HPCAL1: variants seen among roughly 807,000 people sequenced by gnomAD.
HPCAL1 encodes the protein hippocalcin like 1, also known as hippocalcin-like protein 1.
Under a neutral mutation model 17.1 loss-of-function variants are expected in HPCAL1, and 8 were observed. The ratio of observed to expected loss-of-function variants is 0.47; its 90% confidence interval spans 0.27 to 0.84. The LOEUF is 0.84. HPCAL1 is among the 40% of genes least tolerant of loss of function. The pLI, the probability that HPCAL1 is intolerant of heterozygous loss-of-function variation, is 0.13. For synonymous variants in HPCAL1, 112 were observed against 111.4 expected (o/e 1.01, Z -0.03); for missense variants, 165 against 271.1 (o/e 0.61, Z 2.75).
In HPCAL1 at chr2:10,419,071, C is replaced by T. The variant is rs529447143; in HGVS notation, c.-24-663C>T. ...CTAAAAATACAAAAAATTAGCTGGGCGCGGTGGTGCATGCCTGTAATCCCA... is the reference window on the plus strand; with the variant it reads ...CTAAAAATACAAAAAATTAGCTGGGTGCGGTGGTGCATGCCTGTAATCCCA... On this transcript the variant is annotated intron_variant, in intron 2 of 4. Coordinates refer to ENST00000307845, the MANE Select transcript of HPCAL1 (RefSeq NM_002149.4). The surrounding 1 kb of genome is among the most constrained non-coding windows in gnomAD (Gnocchi z 5.0). Among the ~76,000 whole-genome samples the T allele has an allele frequency of 6.6e-5, 10 of 151,888 alleles. No homozygotes were observed. The highest frequency in any genetic ancestry group is 5.8e-4 in the East Asian group (3 of 5,174).
intron 2 of HPCAL1, among the ~76,000 whole-genome samples, chr2:10,399,265 CCACCACCACCACCAT>C (rs1669309340): frequency 2.4e-5 from 2 of 84,378 alleles, no homozygotes; most frequent in Non-Finnish European, 4.9e-5. Flanking sequence ...ACCACCATCA[CCACCACCACCACCAT>C]CACCACCACC....
intron 1 of HPCAL1, among the ~76,000 whole-genome samples, chr2:10,308,890 A>T (rs935204073): frequency 6.6e-6 from 1 of 152,186 alleles, no homozygotes; most frequent in African/African-American, 2.4e-5. Flanking sequence ...ACAAAAACAA[A>T]CAAAACAAAA....
intron 1 of HPCAL1, among the ~76,000 whole-genome samples, chr2:10,308,319 A>G (rs1360081552): frequency 6.6e-6 from 1 of 152,166 alleles, no homozygotes; most frequent in African/African-American, 2.4e-5. Flanking sequence ...TGTACAGTTT[A>G]ATGATTTTCA....
intron 1 of HPCAL1, among the ~76,000 whole-genome samples, chr2:10,306,631 TC>T (rs1333411707): frequency 2.0e-5 from 3 of 152,158 alleles, no homozygotes; most frequent in Non-Finnish European, 4.4e-5. Context: ...CAAATCACTT[TC>T]TACAAAGACT....
intron 2 of HPCAL1, among the ~76,000 whole-genome samples, chr2:10,410,988 A>G (rs1359927540): frequency 6.9e-6 from 1 of 144,318 alleles, no homozygotes; most frequent in African/African-American, 2.5e-5. Context: ...TCCAGGAGAG[A>G]GCTAAAATGA....
rs1017141567 is a variant in HPCAL1, at chr2:10,304,220, C to T, written c.-111+1043C>T. ...CAGGCTCCCGCGCAAGCGTGGGGGT[C>T]CCTCTCCTGGCCGGGAGGCAGCGAC... On this transcript the variant is annotated intron_variant, in intron 1 of 4. Coordinates refer to ENST00000307845, the MANE Select transcript of HPCAL1 (RefSeq NM_002149.4). This position sits in a 1 kb window ranked among gnomAD's most constrained non-coding sequence, Gnocchi z 4.1. Among the ~76,000 whole-genome samples, 1 of 151,952 alleles carries T rather than the reference C, an allele frequency of 6.6e-6. No homozygotes were observed. Among genetic ancestry groups the T allele is most frequent in the Non-Finnish European group, 1.5e-5 (1 of 67,948 alleles).
At chr2:10,305,133 T>C (rs1041000441) in intron 1 of HPCAL1, among the ~76,000 whole-genome samples, 1 of 152,156 alleles carries the variant, frequency 6.6e-6, no homozygotes, top group African/African-American at 2.4e-5. Flanking sequence ...GAATGCACCC[T>C]GTTTTCTGTT....
chr2:10,311,823 C>T (rs1342141981), intron 1 of HPCAL1, among the ~76,000 whole-genome samples: 1 of 152,080 alleles, frequency 6.6e-6, no homozygotes, highest in Non-Finnish European at 1.5e-5. Flanking sequence ...GACATCATCA[C>T]TTTTCTCCAT....
chr2:10,322,157 G>A (rs1233456740), intron 1 of HPCAL1, among the ~76,000 whole-genome samples: 2 of 151,960 alleles, frequency 1.3e-5, no homozygotes, highest in Non-Finnish European at 2.9e-5. Context: ...TGAGTTGCTG[G>A]GACTACAGGC....
In HPCAL1 at chr2:10,307,772, C is replaced by T. The variant is rs1023969683; in HGVS notation, c.-111+4595C>T. On this transcript the variant is annotated intron_variant, in intron 1 of 4. Transcript: ENST00000307845. ...GCTCACACCCACTCTTCCGGCACAG[C>T]GGAGCCTTATCTGCCCTTGGCCCAG... is the stretch of plus-strand genomic sequence containing the variant. Among the ~76,000 whole-genome samples the T allele has an allele frequency of 9.2e-5, 14 of 152,218 alleles. No homozygotes were observed. In the East Asian group the frequency reaches 1.5e-3, roughly 17 times the overall value.
intron 1 of HPCAL1, among the ~76,000 whole-genome samples, chr2:10,356,782 G>T (rs1247310850): frequency 6.6e-6 from 1 of 152,094 alleles, no homozygotes; most frequent in Non-Finnish European, 1.5e-5. Flanking sequence ...TCAGGCCCTG[G>T]CTTCCCCCCT....
chr2:10,375,923 A>G (rs2125524645), intron 1 of HPCAL1, among the ~76,000 whole-genome samples: 1 of 152,340 alleles, frequency 6.6e-6, no homozygotes, highest in African/African-American at 2.4e-5. Flanking sequence ...GTCCCCTCCA[A>G]GTCCATGTTG....
intron 1 of HPCAL1, among the ~76,000 whole-genome samples, chr2:10,329,841 T>C (rs1368918614): frequency 6.6e-6 from 1 of 152,256 alleles, no homozygotes; most frequent in Admixed American, 6.5e-5. Context: ...TGAGGTGACG[T>C]TGGTCACATC....
chr2:10,350,772 G>A (rs187349302), intron 1 of HPCAL1, among the ~76,000 whole-genome samples: 181 of 152,270 alleles, frequency 1.2e-3, no homozygotes, highest in Non-Finnish European at 2.4e-3. Context: ...ATGGGCAAGG[G>A]ACTTGAATAG....
chr2:10,380,378 G>C (rs1204483269), intron 1 of HPCAL1, among the ~76,000 whole-genome samples: 3 of 152,170 alleles, frequency 2.0e-5, no homozygotes, highest in Non-Finnish European at 4.4e-5. Context: ...CTGGGGCAGG[G>C]GTGTGGGTGG....
At chr2:10,347,545 AC>A (rs1665550460) in intron 1 of HPCAL1, among the ~76,000 whole-genome samples, 1 of 152,040 alleles carries the variant, frequency 6.6e-6, no homozygotes, top group South Asian at 2.1e-4. Flanking sequence ...GCCTCCTGCC[AC>A]CCTGGGGTCC....
intron 1 of HPCAL1, among the ~76,000 whole-genome samples, chr2:10,369,726 A>G (rs1308089412): frequency 6.6e-6 from 1 of 152,208 alleles, no homozygotes; most frequent in African/African-American, 2.4e-5. Flanking sequence ...AACTTTGTCC[A>G]TTGGAAACTG....
In HPCAL1 at chr2:10,419,549, A is replaced by T. The variant is rs12162432; in HGVS notation, c.-24-185A>T. On this transcript the variant is annotated intron_variant, in intron 2 of 4. Coordinates refer to ENST00000307845, the MANE Select transcript of HPCAL1 (RefSeq NM_002149.4). The surrounding 1 kb of genome is among the most constrained non-coding windows in gnomAD (Gnocchi z 5.0). ...CAGTGTGAGGGTGAGCTGTCGTGAT[A>T]TAATTAGAGTCTCTTGGCCTTCTTG... Among the ~76,000 whole-genome samples the T allele has an allele frequency of 0.37, 56,589 of 151,552 alleles. 11,130 individuals carry two copies. Among genetic ancestry groups the T allele is most frequent in the East Asian group, 0.72 (3,669 of 5,116 alleles).
chr2:10,422,926 C>T (rs910537116), intron 3 of HPCAL1, 57 bp from the exon 4 acceptor site: 208 of 1,301,332 alleles, frequency 1.6e-4, no homozygotes, highest in Non-Finnish European at 2.2e-4. Flanking sequence ...CCCACCCTTG[C>T]TGCACCCGCC....
Sources: allele counts gnomAD v4.1 joint callset (sites outside exome capture counted in the v4.1 genomes callset), GRCh38; gene constraint gnomAD v4.1.1; non-coding constraint Gnocchi (gnomAD v3.1); transcripts MANE v1.5; gene names NCBI Gene and HGNC (gene_info 2026-07-23, HGNC 2026-07-21).